Variants in SKAP1 observed in about 807,000 individuals in gnomAD.
The protein encoded by SKAP1 is src kinase-associated phosphoprotein 1.
A neutral mutation model predicts 58.5 loss-of-function variants in SKAP1; 44 were observed. The observed-to-expected ratio is 0.75, with a 90% confidence interval of 0.59 to 0.97. SKAP1 has a LOEUF of 0.97. SKAP1 is among the 50% of genes least tolerant of loss of function. SKAP1 has a pLI of 0.00. For missense variants in SKAP1, 390 were observed against 435.2 expected (o/e 0.90, Z 0.92); for synonymous variants, 127 against 149.7 (o/e 0.85, Z 1.11).
intron 11 of SKAP1, among the ~76,000 whole-genome samples, chr17:48,152,205 A>T (rs2063910168): frequency 6.6e-6 from 1 of 152,176 alleles, no homozygotes; most frequent in South Asian, 2.1e-4. Context: ...CTGTGTTCTA[A>T]TCAATTACCT....
At chr17:48,422,311 G>C in intron 1 of SKAP1, among the ~76,000 whole-genome samples, 1 of 152,032 alleles carries the variant, frequency 6.6e-6, no homozygotes, top group Non-Finnish European at 1.5e-5. Context: ...ACTGTGGAAA[G>C]GCAGCTGCCA....
chr17:48,197,978 G>A (rs1321510199), intron 4 of SKAP1, among the ~76,000 whole-genome samples: 1 of 152,126 alleles, frequency 6.6e-6, no homozygotes, highest in Non-Finnish European at 1.5e-5. Flanking sequence ...TCCAAGCATG[G>A]TAACTTCAAT....
chr17:48,158,275 G>A (rs571465416), intron 11 of SKAP1, among the ~76,000 whole-genome samples: 2 of 151,650 alleles, frequency 1.3e-5, no homozygotes, highest in South Asian at 2.1e-4. Context: ...GGCCGGTTGC[G>A]CTGGCTCACG....
chr17:48,220,554 G>A (rs977515936), intron 4 of SKAP1, among the ~76,000 whole-genome samples: 1 of 152,064 alleles, frequency 6.6e-6, no homozygotes, highest in African/African-American at 2.4e-5. Context: ...TAACTGGGAC[G>A]GGGCATAAAG....
At chr17:48,372,606 A>G (rs557711703) in intron 2 of SKAP1, among the ~76,000 whole-genome samples, 1 of 152,242 alleles carries the variant, frequency 6.6e-6, no homozygotes, top group African/African-American at 2.4e-5. Flanking sequence ...TGCCCGGCAC[A>G]TGTATTATTT....
chr17:48,279,214 G>T (rs1567850401), intron 4 of SKAP1, among the ~76,000 whole-genome samples: 1 of 152,098 alleles, frequency 6.6e-6, no homozygotes. Context: ...ACTGGAGAAA[G>T]ACATGGAGCA....
At chr17:48,276,157 T>C (rs2065697201) in intron 4 of SKAP1, among the ~76,000 whole-genome samples, 1 of 152,146 alleles carries the variant, frequency 6.6e-6, no homozygotes, top group Non-Finnish European at 1.5e-5. Context: ...CAACTAACCG[T>C]AATCTACCCC....
intron 4 of SKAP1, among the ~76,000 whole-genome samples, chr17:48,282,228 T>C (rs1039099917): frequency 1.3e-5 from 2 of 152,212 alleles, no homozygotes; most frequent in African/African-American, 4.8e-5. Flanking sequence ...GAAAATAATG[T>C]AATGAACCTC....
intron 4 of SKAP1, among the ~76,000 whole-genome samples, chr17:48,276,806 G>C (rs2065706750): frequency 6.6e-6 from 1 of 152,138 alleles, no homozygotes; most frequent in South Asian, 2.1e-4. Flanking sequence ...ATTCAATTTT[G>C]CTTAATTGAC....
intron 2 of SKAP1, among the ~76,000 whole-genome samples, 156 bp from the exon 3 acceptor site, chr17:48,363,970 C>A (rs1314413759): frequency 6.6e-6 from 1 of 152,184 alleles, no homozygotes; most frequent in Non-Finnish European, 1.5e-5. Context: ...AAAAGGTTAT[C>A]CCTGAGATTT....
At chr17:48,318,112 G>A (rs772233696) in intron 4 of SKAP1, among the ~76,000 whole-genome samples, 2 of 152,066 alleles carry the variant, frequency 1.3e-5, no homozygotes, top group African/African-American at 2.4e-5. Context: ...TAATTCATAA[G>A]CCCATAAGCC....
chr17:48,363,386 C>T (rs1178991549), intron 3 of SKAP1, among the ~76,000 whole-genome samples: 1 of 152,264 alleles, frequency 6.6e-6, no homozygotes, highest in Non-Finnish European at 1.5e-5. Context: ...GCACTGTGAT[C>T]GAGGAGGTAA....
chr17:48,230,242 CT>C (rs1233727266), intron 4 of SKAP1, among the ~76,000 whole-genome samples: 2 of 152,172 alleles, frequency 1.3e-5, no homozygotes, highest in Non-Finnish European at 2.9e-5. Flanking sequence ...AGGCAATGTT[CT>C]TGTGTAACCT....
chr17:48,365,832 TC>T (rs1156451013), intron 2 of SKAP1, among the ~76,000 whole-genome samples: 1 of 151,722 alleles, frequency 6.6e-6, no homozygotes, highest in Non-Finnish European at 1.5e-5. Context: ...TTTATAGAAT[TC>T]TTTTGCAGGG....
At chr17:48,386,759 C>T (rs773668200) in intron 2 of SKAP1, among the ~76,000 whole-genome samples, 7 of 152,126 alleles carry the variant, frequency 4.6e-5, no homozygotes, top group Non-Finnish European at 7.4e-5. Context: ...GCTAGAAAAC[C>T]TCATGAGGGG....
At chr17:48,250,567 C>T (rs2143871663) in intron 4 of SKAP1, among the ~76,000 whole-genome samples, 1 of 152,140 alleles carries the variant, frequency 6.6e-6, no homozygotes, top group East Asian at 1.9e-4. Context: ...AGGCGTCAGC[C>T]ACCACGCCTG....
At chr17:48,435,726 C>G in the SKAP1 span, among the ~76,000 whole-genome samples, 1 of 152,272 alleles carries the variant, frequency 6.6e-6, no homozygotes, top group South Asian at 2.1e-4. Context: ...CACTTTACTA[C>G]AGGTCTTAGA....
intron 1 of SKAP1, among the ~76,000 whole-genome samples, chr17:48,403,019 C>A (rs564243417): frequency 6.6e-6 from 1 of 151,888 alleles, no homozygotes; most frequent in Non-Finnish European, 1.5e-5. Flanking sequence ...TACTAGAAGC[C>A]ATTGAGTTGT....
At chr17:48,142,733 A>G (rs1488248394) in intron 11 of SKAP1, among the ~76,000 whole-genome samples, 1 of 152,130 alleles carries the variant, frequency 6.6e-6, no homozygotes, top group Non-Finnish European at 1.5e-5. Context: ...AGGACCAGGG[A>G]AGTGCCTTGT....
Sources: gnomAD v4.1 joint callset for allele counts (sites outside exome capture counted in the v4.1 genomes callset) on GRCh38, gnomAD v4.1.1 for gene constraint, MANE v1.5 for transcripts, NCBI Gene and HGNC (gene_info 2026-07-23, HGNC 2026-07-21) for gene names.